The following PLCB1 variants were observed in gnomAD, a reference collection of about 807,000 sequenced individuals.
PLCB1 encodes the protein 1-phosphatidylinositol 4,5-bisphosphate phosphodiesterase beta-1.
In PLCB1, 46 loss-of-function variants were observed where a neutral mutation model predicts 161.8. That is an observed-to-expected ratio of 0.28 (90% CI 0.22 to 0.36). The LOEUF is 0.36. PLCB1 is among the 10% of genes least tolerant of loss of function. The pLI is 1.00. For missense variants in PLCB1, 1,016 were observed against 1,472.5 expected, an observed-to-expected ratio of 0.69 and a Z score of 5.07; for synonymous variants, 517 against 503.7, an observed-to-expected ratio of 1.03 and a Z score of -0.35.
chr20:8,271,144 G>A (rs547896136), intron 2 of PLCB1, among the ~76,000 whole-genome samples: 1 of 152,094 alleles, frequency 6.6e-6, no homozygotes, highest in African/African-American at 2.4e-5. Flanking sequence ...CACTGACAGT[G>A]GTAGACATCA....
intron 2 of PLCB1, among the ~76,000 whole-genome samples, chr20:8,181,331 A>G (rs971699623): frequency 1.3e-4 from 19 of 151,692 alleles, no homozygotes; most frequent in African/African-American, 4.6e-4. Context: ...TGCTTTGGGG[A>G]ATGCTAGGAA....
chr20:8,184,942 G>A (rs1402512905), intron 2 of PLCB1, among the ~76,000 whole-genome samples: 1 of 151,408 alleles, frequency 6.6e-6, no homozygotes, highest in Non-Finnish European at 1.5e-5. Context: ...CCCTCCCCTA[G>A]CCCCCCACTC....
intron 2 of PLCB1, among the ~76,000 whole-genome samples, chr20:8,366,343 C>T (rs1360122800): frequency 6.6e-6 from 1 of 151,156 alleles, no homozygotes; most frequent in Non-Finnish European, 1.5e-5. Context: ...ATAACTTTAC[C>T]ACACTAACAA....
intron 3 of PLCB1, among the ~76,000 whole-genome samples, chr20:8,485,120 C>T (rs979566744): frequency 1.4e-4 from 21 of 152,176 alleles, no homozygotes; most frequent in African/African-American, 5.1e-4. Context: ...TGAGCTGGTA[C>T]AGTGAGAAAA....
At chr20:8,499,211 G>A (rs1462472398) in intron 3 of PLCB1, among the ~76,000 whole-genome samples, 1 of 152,218 alleles carries the variant, frequency 6.6e-6, no homozygotes, top group African/African-American at 2.4e-5. Flanking sequence ...AATAGCTTAT[G>A]TGCTTTTGGG....
chr20:8,362,933 T>C (rs142683613), intron 2 of PLCB1, among the ~76,000 whole-genome samples: 172 of 152,314 alleles, frequency 1.1e-3, no homozygotes, highest in African/African-American at 3.9e-3. Context: ...ATAGGGTCAA[T>C]GATCCTGGGC....
chr20:8,341,350 C>A (rs1213713155), intron 2 of PLCB1, among the ~76,000 whole-genome samples: 1 of 152,262 alleles, frequency 6.6e-6, no homozygotes, highest in East Asian at 1.9e-4. Context: ...TCCATTATAA[C>A]TGTTGTCCGC....
intron 2 of PLCB1, chr20:8,249,468 A>G (rs780451406): frequency 6.6e-6 from 1 of 152,042 alleles, no homozygotes. Flanking sequence ...CCTGTCCATC[A>G]TTGGAAGTAA....
chr20:8,290,353 A>G (rs1457899133), intron 2 of PLCB1, among the ~76,000 whole-genome samples: 1 of 152,190 alleles, frequency 6.6e-6, no homozygotes, highest in Non-Finnish European at 1.5e-5. Flanking sequence ...AAAGTGAGAC[A>G]GGGAGAGGAG....
intron 2 of PLCB1, among the ~76,000 whole-genome samples, chr20:8,303,873 C>A (rs557424959): frequency 5.3e-5 from 8 of 152,298 alleles, no homozygotes; most frequent in Admixed American, 5.2e-4. Flanking sequence ...AAAGCAAACA[C>A]CAGCTCCTGC....
At chr20:8,522,920 A>T (rs919160177) in intron 3 of PLCB1, among the ~76,000 whole-genome samples, 5 of 152,146 alleles carry the variant, frequency 3.3e-5, no homozygotes, top group African/African-American at 1.2e-4. Context: ...TCAAATAAGG[A>T]AATCTTAAAT....
chr20:8,371,595 T>G (rs762145729), intron 3 of PLCB1, 145 bp downstream of exon 3: 89 of 512,798 alleles, frequency 1.7e-4, no homozygotes, highest in Non-Finnish European at 2.9e-4. Flanking sequence ...ACACTTTCAC[T>G]TTTATTAAAA....
chr20:8,848,840 C>T (rs1986787146), intron 31 of PLCB1, among the ~76,000 whole-genome samples: 1 of 152,252 alleles, frequency 6.6e-6, no homozygotes, highest in Non-Finnish European at 1.5e-5. Context: ...GAAAGACAAA[C>T]TCTGCAGAAG....
chr20:8,823,338 G>A (rs1247183821), intron 31 of PLCB1, among the ~76,000 whole-genome samples: 1 of 152,164 alleles, frequency 6.6e-6, no homozygotes, highest in Non-Finnish European at 1.5e-5. Context: ...GGCCAGGCTA[G>A]TCTGAAACTC....
At chr20:8,407,674 C>T (rs897790289) in intron 3 of PLCB1, among the ~76,000 whole-genome samples, 1 of 152,132 alleles carries the variant, frequency 6.6e-6, no homozygotes, top group African/African-American at 2.4e-5. Context: ...CTGAGAGATA[C>T]AAATCAGGTT....
chr20:8,150,188 T>C (rs890113006), intron 1 of PLCB1, 106 bp from the exon 2 acceptor site: 4 of 466,588 alleles, frequency 8.6e-6, no homozygotes, highest in Non-Finnish European at 1.5e-5. Context: ...TCTTAATAAT[T>C]GACTACTTTG....
intron 13 of PLCB1, 137 bp downstream of exon 13, chr20:8,716,485 A>G (rs918672389): frequency 2.8e-6 from 2 of 702,760 alleles, no homozygotes; most frequent in East Asian, 2.7e-5. Flanking sequence ...TTTGACAAGG[A>G]GGATACCAGC....
intron 3 of PLCB1, among the ~76,000 whole-genome samples, chr20:8,466,218 A>G (rs1320419150): frequency 4.0e-5 from 6 of 151,748 alleles, no homozygotes; most frequent in Admixed American, 3.3e-4. Context: ...GTAAACTATC[A>G]CAAGAACAAA....
intron 2 of PLCB1, among the ~76,000 whole-genome samples, chr20:8,332,022 G>C (rs552474755): frequency 6.6e-5 from 10 of 152,208 alleles, no homozygotes; most frequent in Non-Finnish European, 1.3e-4. Context: ...ATTCAAGACC[G>C]TGAACTGGAA....
Sources: allele counts gnomAD v4.1 joint callset (sites outside exome capture counted in the v4.1 genomes callset), GRCh38; gene constraint gnomAD v4.1.1; transcripts MANE v1.5; gene names NCBI Gene and HGNC (gene_info 2026-07-23, HGNC 2026-07-21).